Variants in PDE1C observed in about 807,000 individuals in gnomAD.
PDE1C encodes phosphodiesterase 1C.
PDE1C carries 62 observed loss-of-function variants against 93.1 expected under a neutral mutation model. The observed-to-expected ratio is 0.67, with a 90% CI of 0.54 to 0.82. The LOEUF is 0.82. Ranked by LOEUF, PDE1C falls within the 40% of genes least tolerant of loss-of-function variation. PDE1C has a pLI of 0.00. For synonymous variants in PDE1C, 325 were observed against 310.1 expected, an observed-to-expected ratio of 1.05 and a Z score of -0.50; for missense variants, 742 against 884.6, an observed-to-expected ratio of 0.84 and a Z score of 2.04.
the PDE1C span, among the ~76,000 whole-genome samples, chr7:31,630,000 A>G: frequency 6.6e-6 from 1 of 152,176 alleles, no homozygotes; most frequent in Non-Finnish European, 1.5e-5. Context: ...ACACACACAC[A>G]CAAAATTGCT....
chr7:32,170,349 C>T (rs1802564034), intron 2 of PDE1C, among the ~76,000 whole-genome samples: 1 of 152,166 alleles, frequency 6.6e-6, no homozygotes, highest in Non-Finnish European at 1.5e-5. Flanking sequence ...AAGCCCAAGA[C>T]TCCATTCTAT....
At chr7:32,286,944 C>T (rs1022924815) in intron 1 of PDE1C, among the ~76,000 whole-genome samples, 1 of 152,142 alleles carries the variant, frequency 6.6e-6, no homozygotes, top group Non-Finnish European at 1.5e-5. Flanking sequence ...CAGCCTCCAG[C>T]CCCCAAGGAC....
intron 1 of PDE1C, among the ~76,000 whole-genome samples, chr7:32,238,531 A>T (rs1808307948): frequency 6.6e-6 from 1 of 152,274 alleles, no homozygotes; most frequent in Non-Finnish European, 1.5e-5. Flanking sequence ...AAGGTTTTTC[A>T]TGGAACTTGA....
At chr7:32,156,275 C>T (rs938340921) in intron 3 of PDE1C, among the ~76,000 whole-genome samples, 13 of 152,232 alleles carry the variant, frequency 8.5e-5, no homozygotes, top group Middle Eastern at 3.4e-3. Flanking sequence ...TATCCTCATG[C>T]TCTCCCTCTC....
chr7:31,918,239 A>G (rs750246395), intron 2 of PDE1C, among the ~76,000 whole-genome samples: 23 of 152,220 alleles, frequency 1.5e-4, no homozygotes, highest in Non-Finnish European at 1.6e-4. Flanking sequence ...CAAGTTAAGC[A>G]TGACAGGGAC....
intron 7 of PDE1C, among the ~76,000 whole-genome samples, chr7:31,863,899 C>G (rs936259056): frequency 1.3e-5 from 2 of 152,076 alleles, no homozygotes; most frequent in Non-Finnish European, 1.5e-5. Context: ...GTATCTAGCT[C>G]CAAAGCCCAC....
At chr7:32,283,134 G>T (rs1811781376) in intron 1 of PDE1C, among the ~76,000 whole-genome samples, 2 of 152,176 alleles carry the variant, frequency 1.3e-5, no homozygotes, top group African/African-American at 2.4e-5. Flanking sequence ...ATTTGTGGCA[G>T]CAAGAAAGCA....
chr7:31,642,949 A>G, the PDE1C span: 1 of 1,614,030 alleles, frequency 6.2e-7, no homozygotes, highest in Non-Finnish European at 8.5e-7. Context: ...CTGTGCCAAG[A>G]CCACCACGAG....
the PDE1C span, among the ~76,000 whole-genome samples, chr7:31,665,824 T>C: frequency 2.0e-5 from 3 of 152,180 alleles, no homozygotes; most frequent in Non-Finnish European, 4.4e-5. Context: ...TTGATGTATA[T>C]AGATAATATA....
At chr7:32,348,809 T>C (rs867366367) in intron 1 of PDE1C, among the ~76,000 whole-genome samples, 1 of 152,220 alleles carries the variant, frequency 6.6e-6, no homozygotes, top group African/African-American at 2.4e-5. Flanking sequence ...GAACTTTGCA[T>C]GGTCACTCTA....
intron 16 of PDE1C, among the ~76,000 whole-genome samples, chr7:31,797,249 T>A (rs1785416985): frequency 6.6e-6 from 1 of 151,748 alleles, no homozygotes; most frequent in African/African-American, 2.4e-5. Flanking sequence ...TCTTTGCTCA[T>A]GAAAAATAAC....
At chr7:32,330,465 A>G (rs1783491866) in intron 1 of PDE1C, among the ~76,000 whole-genome samples, 1 of 152,226 alleles carries the variant, frequency 6.6e-6, no homozygotes, top group African/African-American at 2.4e-5. Context: ...GAAAACATCA[A>G]ATTAATTGAT....
chr7:32,026,471 T>C (rs1056033328), intron 2 of PDE1C, among the ~76,000 whole-genome samples: 4 of 152,200 alleles, frequency 2.6e-5, no homozygotes, highest in South Asian at 2.1e-4. Flanking sequence ...ATTAAGACAG[T>C]CTTCACCATT....
chr7:32,289,836 G>A (rs1279236660), intron 1 of PDE1C, among the ~76,000 whole-genome samples: 1 of 152,174 alleles, frequency 6.6e-6, no homozygotes, highest in East Asian at 1.9e-4. Flanking sequence ...TCGCACCTGA[G>A]CCACTCTATG....
intron 3 of PDE1C, among the ~76,000 whole-genome samples, chr7:32,142,751 C>T (rs576234421): frequency 6.6e-6 from 1 of 152,196 alleles, no homozygotes; most frequent in South Asian, 2.1e-4. Context: ...TCCTGAGTCC[C>T]CGGTTGGAGG....
intron 2 of PDE1C, among the ~76,000 whole-genome samples, chr7:32,202,686 G>A (rs567596377): frequency 6.6e-6 from 1 of 152,280 alleles, no homozygotes; most frequent in South Asian, 2.1e-4. Flanking sequence ...ACAAGTTGGG[G>A]TCTAACTGTG....
upstream of PDE1C, among the ~76,000 whole-genome samples, chr7:32,076,039 A>G (rs988227591): frequency 3.3e-5 from 5 of 152,130 alleles, no homozygotes; most frequent in Non-Finnish European, 7.4e-5. Flanking sequence ...GGCCTGGGCT[A>G]ACCAAGCTTT....
At chr7:32,016,175 C>T (rs1439157650) in intron 2 of PDE1C, among the ~76,000 whole-genome samples, 1 of 152,246 alleles carries the variant, frequency 6.6e-6, no homozygotes, top group Non-Finnish European at 1.5e-5. Flanking sequence ...GGTAGCCCTG[C>T]TCTGCAGGAG....
intron 7 of PDE1C, among the ~76,000 whole-genome samples, chr7:31,858,727 T>C (rs983161761): frequency 7.2e-5 from 11 of 152,124 alleles, no homozygotes; most frequent in Non-Finnish European, 1.0e-4. Flanking sequence ...TGTTTAGTAA[T>C]AATAATAACT....
Sources: allele counts gnomAD v4.1 joint callset (sites outside exome capture counted in the v4.1 genomes callset), GRCh38; gene constraint gnomAD v4.1.1; transcripts MANE v1.5; gene names NCBI Gene and HGNC (gene_info 2026-07-23, HGNC 2026-07-21).